CNTNAP2: variants seen among roughly 807,000 people sequenced by gnomAD.
CNTNAP2 encodes the protein contactin-associated protein-like 2.
A neutral mutation model predicts 155.2 loss-of-function variants in CNTNAP2; 98 were observed. That is an observed-to-expected ratio of 0.63 (90% CI 0.54 to 0.75). The LOEUF is 0.75. Ranked by LOEUF, CNTNAP2 falls within the 30% of genes least tolerant of loss-of-function variation. The pLI, the probability that CNTNAP2 is intolerant of heterozygous loss-of-function variation, is 0.00. For missense variants in CNTNAP2, 1,727 were observed against 1,688.1 expected, an observed-to-expected ratio of 1.02 and a Z score of -0.40; for synonymous variants, 651 against 631.2, an observed-to-expected ratio of 1.03 and a Z score of -0.47.
chr7:147,606,410 C>T (rs537841868), intron 12 of CNTNAP2, among the ~76,000 whole-genome samples: 49 of 152,246 alleles, frequency 3.2e-4, no homozygotes, highest in African/African-American at 2.2e-4. Context: ...TTTTTAATTC[C>T]GAAATCAGAG....
At chr7:147,317,796 GTGTATA>G (rs1795259860) in intron 9 of CNTNAP2, among the ~76,000 whole-genome samples, 4 of 97,168 alleles carry the variant, frequency 4.1e-5, no homozygotes, top group African/African-American at 1.2e-4. Context: ...GTGTGTGTGT[GTGTATA>G]TGTATATATA....
intron 5 of CNTNAP2, among the ~76,000 whole-genome samples, chr7:147,112,144 T>G (rs1229568202): frequency 1.3e-5 from 2 of 152,186 alleles, no homozygotes; most frequent in East Asian, 3.9e-4. Flanking sequence ...CAATTGTGAA[T>G]GAGAGTTCAT....
chr7:147,574,673 T>C (rs971345030), intron 12 of CNTNAP2, among the ~76,000 whole-genome samples: 1 of 152,096 alleles, frequency 6.6e-6, no homozygotes, highest in Admixed American at 6.6e-5. Context: ...TTGCCAACAA[T>C]CTTGGAACCA....
Position 148,061,960 on chromosome 7 carries a change from T to TAAAC in CNTNAP2, c.2384-56157_2384-56156insAACA, listed in dbSNP as rs1409782189. Among the ~76,000 whole-genome samples the TAAAC allele has an allele frequency of 2.4e-3, 167 of 70,818 alleles. 4 individuals carry two copies. Among genetic ancestry groups the TAAAC allele is most frequent in the Middle Eastern group, 6.9e-3 (1 of 144 alleles). The allele number at this position is 70,818 out of a possible 152,430, so 46.5% of individuals were successfully genotyped here. On this transcript the variant is annotated intron_variant, in intron 15 of 23. Coordinates refer to ENST00000361727, the MANE Select transcript of CNTNAP2 (RefSeq NM_014141.6). ...AGATAGATAGATAAACAGATATAGATAGATAGATAGATAGATAGATAGATA... is the reference window on the plus strand; with the variant it reads ...AGATAGATAGATAAACAGATATAGATAAACAGATAGATAGATAGATAGATAGATA...
At chr7:146,807,537 T>C (rs1802989202) in intron 2 of CNTNAP2, among the ~76,000 whole-genome samples, 1 of 152,106 alleles carries the variant, frequency 6.6e-6, no homozygotes, top group African/African-American at 2.4e-5. Context: ...TCTATAAATA[T>C]TATGCCAATT....
intron 1 of CNTNAP2, among the ~76,000 whole-genome samples, chr7:146,316,224 C>G (rs1485203623): frequency 6.6e-6 from 1 of 151,922 alleles, no homozygotes; most frequent in South Asian, 2.1e-4. Context: ...CCAAATGTTA[C>G]TTCATAACAT....
intron 13 of CNTNAP2, among the ~76,000 whole-genome samples, chr7:147,867,844 T>C (rs192885688): frequency 1.6e-3 from 238 of 152,284 alleles, no homozygotes; most frequent in African/African-American, 5.4e-3. Context: ...TAGTTAGCCA[T>C]TCGTCTAGCC....
intron 3 of CNTNAP2, among the ~76,000 whole-genome samples, chr7:146,888,982 T>C (rs1341572232): frequency 6.6e-6 from 1 of 152,010 alleles, no homozygotes; most frequent in Non-Finnish European, 1.5e-5. Flanking sequence ...AAGTAGATAG[T>C]TCTTAACCAC....
intron 8 of CNTNAP2, among the ~76,000 whole-genome samples, chr7:147,268,902 A>G (rs571462489): frequency 1.3e-5 from 2 of 152,336 alleles, no homozygotes; most frequent in South Asian, 2.1e-4. Flanking sequence ...AATTGGAGGT[A>G]GGGGACCTCT....
At chr7:148,136,959 G>GA (rs934804914) in intron 16 of CNTNAP2, among the ~76,000 whole-genome samples, 5 of 152,162 alleles carry the variant, frequency 3.3e-5, no homozygotes, top group Admixed American at 6.5e-5. Flanking sequence ...CGTACTCTGT[G>GA]AAAAATTGGT....
intron 1 of CNTNAP2, among the ~76,000 whole-genome samples, chr7:146,550,548 CAT>C (rs1223370303): frequency 6.6e-6 from 1 of 151,478 alleles, no homozygotes; most frequent in Non-Finnish European, 1.5e-5. Context: ...TATGTGCACA[CAT>C]GTGTGGTGTC....
At chr7:146,356,946 C>T (rs1795007180) in intron 1 of CNTNAP2, among the ~76,000 whole-genome samples, 1 of 152,046 alleles carries the variant, frequency 6.6e-6, no homozygotes, top group South Asian at 2.1e-4. Flanking sequence ...ACACAGAAAA[C>T]AATTTTGCCA....
rs894148828 is a variant in CNTNAP2, at chr7:146,934,615, G to T, written c.402+94711G>T. 5.3e-5 allele frequency among the ~76,000 whole-genome samples: 8 copies of T among 152,022 alleles called. No homozygotes were observed. The South Asian group carries it at 8.3e-4, about 16-fold the overall frequency. Reference sequence around the variant, plus strand: ...AATAATAATAAAATTAAAAAAAATTGTTCAATTCAAATTTTCAACAATGGA... The same window carrying T: ...AATAATAATAAAATTAAAAAAAATTTTTCAATTCAAATTTTCAACAATGGA... On this transcript the variant is annotated intron_variant, in intron 3 of 23. Coordinates refer to ENST00000361727, the MANE Select transcript of CNTNAP2 (RefSeq NM_014141.6).
At chr7:146,467,336 G>C (rs1563095279) in intron 1 of CNTNAP2, among the ~76,000 whole-genome samples, 1 of 152,066 alleles carries the variant, frequency 6.6e-6, no homozygotes, top group Non-Finnish European at 1.5e-5. Context: ...ACTGATTTCA[G>C]TATCTCTAAG....
intron 1 of CNTNAP2, among the ~76,000 whole-genome samples, chr7:146,416,586 A>T (rs1795941274): frequency 6.6e-6 from 1 of 152,098 alleles, no homozygotes; most frequent in Admixed American, 6.6e-5. Flanking sequence ...TTAATTTTTT[A>T]AAAATATGCA....
chr7:146,640,469 T>C (rs1051753205), intron 1 of CNTNAP2, among the ~76,000 whole-genome samples: 1 of 152,228 alleles, frequency 6.6e-6, no homozygotes, highest in African/African-American at 2.4e-5. Flanking sequence ...TCATTAAAGA[T>C]ATGTCAATTC....
At chr7:146,864,349 T>C (rs775406302) in intron 3 of CNTNAP2, among the ~76,000 whole-genome samples, 31 of 152,014 alleles carry the variant, frequency 2.0e-4, no homozygotes, top group Non-Finnish European at 4.0e-4. Context: ...GCAACAGATA[T>C]AAAAAAATCA....
At chr7:147,533,710 C>CA (rs762259674) in intron 11 of CNTNAP2, among the ~76,000 whole-genome samples, 4,992 of 124,492 alleles carry the variant, frequency 0.04, 125 homozygotes, top group African/African-American at 0.065. Context: ...GATCCCATCT[C>CA]AAAAAAAAAA....
chr7:146,992,462 A>T (rs987527233), intron 3 of CNTNAP2, among the ~76,000 whole-genome samples: 16 of 150,824 alleles, frequency 1.1e-4, no homozygotes, highest in South Asian at 2.1e-4. Context: ...TTTATTGGGT[A>T]AAAACAAATA....
Sources: allele counts gnomAD v4.1 joint callset (sites outside exome capture counted in the v4.1 genomes callset), GRCh38; gene constraint gnomAD v4.1.1; transcripts MANE v1.5; gene names NCBI Gene and HGNC (gene_info 2026-07-23, HGNC 2026-07-21).